Variants in DOCK7 observed in about 807,000 individuals in gnomAD.
DOCK7 encodes the protein dedicator of cytokinesis 7.
Under a neutral mutation model 271.0 loss-of-function variants are expected in DOCK7, and 138 were observed. The observed-to-expected ratio is 0.51, with a 90% CI of 0.44 to 0.59. The LOEUF is 0.59. Among genes scored for constraint, DOCK7 ranks in the 20% least tolerant of loss-of-function variants. The pLI, the probability that DOCK7 is intolerant of heterozygous loss-of-function variation, is 0.00. For synonymous variants in DOCK7, 823 were observed against 876.1 expected, an observed-to-expected ratio of 0.94 and a Z score of 1.07; for missense variants, 2,066 against 2,592.4, an observed-to-expected ratio of 0.80 and a Z score of 4.41.
intron 25 of DOCK7, among the ~76,000 whole-genome samples, chr1:62,541,015 G>A (rs1645511543): frequency 2.0e-5 from 3 of 152,172 alleles, no homozygotes. Context: ...CCATAATATA[G>A]GTAACATTCA....
chr1:62,588,131 T>C (rs963346184), intron 14 of DOCK7, among the ~76,000 whole-genome samples: 1 of 152,152 alleles, frequency 6.6e-6, no homozygotes, highest in Non-Finnish European at 1.5e-5. Context: ...CTTGCTAGTC[T>C]AAAAAACTTA....
chr1:62,656,079 G>C (rs1657985343), intron 2 of DOCK7, among the ~76,000 whole-genome samples: 1 of 152,014 alleles, frequency 6.6e-6, no homozygotes, highest in Admixed American at 6.5e-5. Flanking sequence ...GAAAAAGAAA[G>C]CAATCCAACA....
intron 48 of DOCK7, 108 bp downstream of exon 48, chr1:62,473,874 T>A: frequency 1.2e-6 from 1 of 802,512 alleles, no homozygotes; most frequent in Non-Finnish European, 1.9e-6. Context: ...TGTAAGCCAC[T>A]GTGCCTAGCC....
Position 62,574,717 on chromosome 1 carries a change from T to C in DOCK7, c.2112+2545A>G, listed in dbSNP as rs141622627. Among the ~76,000 whole-genome samples, 9 of 152,282 alleles carry C rather than the reference T, an allele frequency of 5.9e-5. No homozygotes were observed. The East Asian group carries it at 9.6e-4, about 16-fold the overall frequency. On this transcript the variant is annotated intron_variant, in intron 18 of 49. Coordinates refer to ENST00000635253, the MANE Select transcript of DOCK7 (RefSeq NM_001367561.1). Reference sequence around the variant, plus strand: ...CAAACGAATAAAGATTGGCACCACATAGAAATATTTTTTTTCTTTTTTTTA... The same window carrying C: ...CAAACGAATAAAGATTGGCACCACACAGAAATATTTTTTTTCTTTTTTTTA...
chr1:62,650,105 T>TAATAA (rs1334367730), intron 4 of DOCK7, among the ~76,000 whole-genome samples: 1 of 152,084 alleles, frequency 6.6e-6, no homozygotes. Flanking sequence ...CCAAAATAAA[T>TAATAA]AATAAAATAA....
intron 14 of DOCK7, chr1:62,609,240 A>AAT (rs968519125): frequency 6.6e-6 from 1 of 152,198 alleles, no homozygotes; most frequent in Non-Finnish European, 1.5e-5. Flanking sequence ...ATGAGGTTTT[A>AAT]ATGACATTTT....
At chr1:62,593,652 A>T (rs752600637) in intron 14 of DOCK7, among the ~76,000 whole-genome samples, 13 of 152,178 alleles carry the variant, frequency 8.5e-5, no homozygotes, top group Non-Finnish European at 1.5e-4. Flanking sequence ...AAAACTTAAC[A>T]TGTTAATAGT....
intron 18 of DOCK7, among the ~76,000 whole-genome samples, chr1:62,567,765 A>G (rs1180826075): frequency 6.9e-6 from 1 of 145,954 alleles, no homozygotes; most frequent in African/African-American, 2.6e-5. Context: ...AACATTTTTG[A>G]AAAAAAAAAA....
chr1:62,534,727 GT>G (rs1645286182), intron 29 of DOCK7, among the ~76,000 whole-genome samples: 1 of 152,160 alleles, frequency 6.6e-6, no homozygotes, highest in African/African-American at 2.4e-5. Flanking sequence ...AACTTTGGAA[GT>G]TTTTAAAACC....
chr1:62,542,579 A>G (rs1645571028), intron 25 of DOCK7, 29 bp downstream of exon 25: 2 of 1,583,202 alleles, frequency 1.3e-6, no homozygotes, highest in Non-Finnish European at 1.7e-6. Context: ...GAGAAAAAAT[A>G]TTAAAGAACA....
At chr1:62,458,439 G>A (rs773095515) in intron 48 of DOCK7, 6 of 151,792 alleles carry the variant, frequency 4.0e-5, no homozygotes, top group Non-Finnish European at 8.8e-5. Context: ...CACTTGACTA[G>A]AAGCTCTTTC....
At chr1:62,508,901 T>C (rs1644395881) in intron 34 of DOCK7, among the ~76,000 whole-genome samples, 2 of 152,164 alleles carry the variant, frequency 1.3e-5, no homozygotes, top group Admixed American at 6.5e-5. Flanking sequence ...ATAATAGATA[T>C]ACAGATACTA....
At chr1:62,457,394 A>G (rs1645378009) in intron 49 of DOCK7, 144 bp downstream of exon 49, 1 of 767,568 alleles carries the variant, frequency 1.3e-6, no homozygotes, top group Admixed American at 2.9e-5. Flanking sequence ...TGTAACACGA[A>G]TATTCCAAAA....
At chr1:62,632,960 G>C (rs1025531366) in intron 10 of DOCK7, among the ~76,000 whole-genome samples, 1 of 151,690 alleles carries the variant, frequency 6.6e-6, no homozygotes, top group African/African-American at 2.4e-5. Flanking sequence ...TTGGGTGACA[G>C]AGCAAGACTA....
intron 43 of DOCK7, chr1:62,483,977 T>C (rs1291736895): frequency 6.6e-6 from 1 of 152,202 alleles, no homozygotes; most frequent in African/African-American, 2.4e-5. Context: ...TTATTTCATT[T>C]CCCTCTTTCA....
chr1:62,529,655 T>C (rs1645117446), intron 29 of DOCK7, among the ~76,000 whole-genome samples: 1 of 152,180 alleles, frequency 6.6e-6, no homozygotes, highest in African/African-American at 2.4e-5. Context: ...AAAATAAGAA[T>C]TGAAGAAAAG....
At position 62,475,850 on chromosome 1, in the gene DOCK7, G is replaced by A. The variant is rs761147274; in HGVS notation, c.5818C>T (p.Arg1940Ter). 2.5e-6 allele frequency: 4 copies of A among 1,613,906 alleles called. No individual in the cohort carries two copies. The highest frequency in any genetic ancestry group is 1.3e-5 in the African/African-American group (1 of 74,894). Residue 1940 changes from arginine (R) to a stop codon, truncating the protein, a stop_gained, in exon 46 of 50, where the codon CGA (arginine) becomes TGA (stop). Coordinates refer to ENST00000635253, the MANE Select transcript of DOCK7 (RefSeq NM_001367561.1). LOFTEE classifies it high-confidence loss of function. ...GTAAAGGGTGTACAGTACATGAATC[G>A]ACGAAGATTGTAATTTTTGTCGAAA... ...TYFDKNYNLRRFMYCTPFTLD... is the reference protein window; with the variant it reads ...TYFDKNYNLR
intron 29 of DOCK7, among the ~76,000 whole-genome samples, chr1:62,534,456 A>G (rs1467609782): frequency 6.6e-6 from 1 of 152,094 alleles, no homozygotes; most frequent in Non-Finnish European, 1.5e-5. Flanking sequence ...TTCTACTAAA[A>G]TTACAAAAAT....
intron 7 of DOCK7, among the ~76,000 whole-genome samples, chr1:62,642,408 CTACTT>C (rs920309891): frequency 7.5e-4 from 114 of 152,190 alleles, no homozygotes; most frequent in African/African-American, 2.7e-3. Flanking sequence ...CTGGCCTGTT[CTACTT>C]TTTCTAAGTG....
Sources: gnomAD v4.1 joint callset for allele counts (sites outside exome capture counted in the v4.1 genomes callset) on GRCh38, gnomAD v4.1.1 for gene constraint, MANE v1.5 for transcripts, NCBI Gene and HGNC (gene_info 2026-07-23, HGNC 2026-07-21) for gene names.